The following CACNA1C variants were observed in gnomAD, a reference collection of about 807,000 sequenced individuals.
The protein encoded by CACNA1C is voltage-dependent L-type calcium channel subunit alpha-1C.
Under a neutral mutation model 229.0 loss-of-function variants are expected in CACNA1C, and 30 were observed. The ratio of observed to expected loss-of-function variants is 0.13; its 90% CI spans 0.10 to 0.18. The LOEUF is 0.18. CACNA1C is among the 10% of genes least tolerant of loss of function. The probability of loss-of-function intolerance (pLI) is 1.00; values close to 1 mark genes in which losing one functional copy is unlikely to be tolerated. For synonymous variants in CACNA1C, 1,114 were observed against 1,132.5 expected (o/e 0.98, Z 0.33); for missense variants, 1,658 against 2,845.0 (o/e 0.58, Z 9.49).
At chr12:2,672,841 T>C (rs1377215912) in intron 38 of CACNA1C, among the ~76,000 whole-genome samples, 2 of 152,224 alleles carry the variant, frequency 1.3e-5, no homozygotes, top group Non-Finnish European at 2.9e-5. Context: ...TTGAATACCA[T>C]GTGTGTTAGG....
At chr12:2,561,680 G>A (rs1418315455) in intron 11 of CACNA1C, among the ~76,000 whole-genome samples, 2 of 152,230 alleles carry the variant, frequency 1.3e-5, no homozygotes, top group Non-Finnish European at 2.9e-5. Flanking sequence ...AAGGCCCAGT[G>A]TAGGGAGAAG....
intron 1 of CACNA1C, 34 bp from the exon 2 acceptor site, chr12:2,115,190 A>G: frequency 6.9e-7 from 1 of 1,451,332 alleles, no homozygotes; most frequent in Non-Finnish European, 9.2e-7. Flanking sequence ...TTTTCTATCT[A>G]GTAACTGTTG....
At chr12:2,448,483 T>C (rs2099321202) in intron 3 of CACNA1C, among the ~76,000 whole-genome samples, 1 of 152,208 alleles carries the variant, frequency 6.6e-6, no homozygotes, top group Non-Finnish European at 1.5e-5. Context: ...GCATTTTTGC[T>C]CTGTCTTTTG....
At chr12:2,391,779 C>G (rs1332897364) in intron 3 of CACNA1C, among the ~76,000 whole-genome samples, 2 of 152,194 alleles carry the variant, frequency 1.3e-5, no homozygotes, top group African/African-American at 4.8e-5. Flanking sequence ...ACTCTGTTTG[C>G]CCTCTAGACC....
chr12:2,190,601 CAAG>C (rs965185824), intron 3 of CACNA1C, among the ~76,000 whole-genome samples: 1 of 152,138 alleles, frequency 6.6e-6, no homozygotes. Context: ...TTCCTTTCCT[CAAG>C]GAGGTCAATC....
chr12:2,648,386 T>C, intron 30 of CACNA1C, 89 bp from the exon 31 acceptor site: 5 of 1,214,372 alleles, frequency 4.1e-6, no homozygotes, highest in South Asian at 1.2e-5. Context: ...TCTGCCACTG[T>C]GTTGCTCCCG....
intron 1 of CACNA1C, among the ~76,000 whole-genome samples, chr12:2,006,307 C>T (rs991936122): frequency 6.6e-6 from 1 of 152,140 alleles, no homozygotes; most frequent in African/African-American, 2.4e-5. Flanking sequence ...ACTCGGGAGG[C>T]TGAGGCAGGA....
chr12:2,035,492 C>T (rs1372880730), intron 1 of CACNA1C, among the ~76,000 whole-genome samples: 1 of 152,254 alleles, frequency 6.6e-6, no homozygotes, highest in East Asian at 1.9e-4. Flanking sequence ...TTTCTTCCTC[C>T]TCCCTTCTTT....
intron 3 of CACNA1C, among the ~76,000 whole-genome samples, chr12:2,207,941 C>T (rs550543558): frequency 3.3e-5 from 5 of 152,110 alleles, no homozygotes; most frequent in African/African-American, 7.2e-5. Flanking sequence ...ATCTTCAAGG[C>T]GTGGATAGTG....
rs375789498 is a variant in CACNA1C, at chr12:2,648,524, C to T, written c.3945+17C>T. The T allele has an allele frequency of 3.4e-5, 55 of 1,613,044 alleles. No homozygotes were observed. The highest frequency in any genetic ancestry group is 4.6e-5 in the Non-Finnish European group (54 of 1,179,148). On this transcript the variant is annotated intron_variant, in intron 31 of 46. Coordinates refer to ENST00000399655, the MANE Select transcript of CACNA1C (RefSeq NM_000719.7). ...CCCTCTATGGTAAGACCAACCCTCC[C>T]GACCATGCTCCCGGCTTCCGTGTCC... is the stretch of plus-strand genomic sequence containing the variant.
rs570942052 is a variant in CACNA1C, at chr12:2,428,189, A to G, written c.478-20787A>G. Reference sequence around the variant, plus strand: ...CCCAATTTTTTTCACTGACATTTGAAGCCTTCCCTGAAGGGACCCCCAGCA... The same window carrying G: ...CCCAATTTTTTTCACTGACATTTGAGGCCTTCCCTGAAGGGACCCCCAGCA... On this transcript the variant is annotated intron_variant, in intron 3 of 46. Coordinates refer to ENST00000399655, the MANE Select transcript of CACNA1C (RefSeq NM_000719.7). Among the ~76,000 whole-genome samples the G allele has an allele frequency of 6.6e-5, 10 of 152,294 alleles. No individual in the cohort carries two copies. The South Asian group carries it at 1.7e-3, about 25-fold the overall frequency.
At chr12:2,042,776 G>T (rs1411298860) in intron 1 of CACNA1C, among the ~76,000 whole-genome samples, 1 of 152,194 alleles carries the variant, frequency 6.6e-6, no homozygotes, top group Non-Finnish European at 1.5e-5. Context: ...ACATATGAAA[G>T]TTGAGGGTCT....
Position 2,457,578 on chromosome 12 carries a change from C to T in CACNA1C, c.629C>T (p.Ala210Val). ...FIIVVVGLFS[A>V]ILEQATKADG... The stretch of plus-strand genomic sequence containing the variant: ...TTCCTCTCTTCTAGGCTTTTTAGTG[C>T]AATTTTAGAACAAGCAACCAAAGCA... The change falls in exon 5 of 47, where the codon GCA becomes GTA. Residue 210 changes from alanine (A) to valine (V), a missense_variant. Physicochemically the swap from Ala to Val is moderately conservative, Grantham distance 64. Transcript: ENST00000399655. 2 of 1,610,840 alleles carry T rather than the reference C, an allele frequency of 1.2e-6. No individual in the cohort carries two copies. The highest frequency in any genetic ancestry group is 1.7e-6 in the Non-Finnish European group (2 of 1,178,418).
intron 9 of CACNA1C, among the ~76,000 whole-genome samples, chr12:2,534,905 A>G (rs1440233070): frequency 6.6e-6 from 1 of 152,168 alleles, no homozygotes; most frequent in Admixed American, 6.5e-5. Flanking sequence ...AACATGACTT[A>G]CTGGCCCTTC....
intron 10 of CACNA1C, among the ~76,000 whole-genome samples, chr12:2,552,174 T>C (rs1238406286): frequency 6.6e-6 from 1 of 152,228 alleles, no homozygotes; most frequent in Non-Finnish European, 1.5e-5. Context: ...AGGACAGAGC[T>C]GTTTATCCAT....
At chr12:2,365,422 G>A (rs1446463898) in intron 3 of CACNA1C, among the ~76,000 whole-genome samples, 4 of 152,206 alleles carry the variant, frequency 2.6e-5, no homozygotes, top group Non-Finnish European at 1.5e-5. Flanking sequence ...CATCTATCAT[G>A]ATTTCTTTTG....
At chr12:2,249,854 G>A (rs553423713) in intron 3 of CACNA1C, among the ~76,000 whole-genome samples, 1 of 149,528 alleles carries the variant, frequency 6.7e-6, no homozygotes, top group African/African-American at 2.5e-5. Flanking sequence ...CATTGCAAGC[G>A]CCGCCTCCCA....
At chr12:2,368,418 C>T (rs1248718260) in intron 3 of CACNA1C, among the ~76,000 whole-genome samples, 1 of 152,032 alleles carries the variant, frequency 6.6e-6, no homozygotes, top group Non-Finnish European at 1.5e-5. Flanking sequence ...AATAAAAGGG[C>T]CCCAGAAACG....
intron 9 of CACNA1C, among the ~76,000 whole-genome samples, chr12:2,526,694 G>A (rs2099819031): frequency 6.6e-6 from 1 of 152,238 alleles, no homozygotes; most frequent in Non-Finnish European, 1.5e-5. Flanking sequence ...TCTAAACACA[G>A]CCCATGAATG....
Sources: allele counts gnomAD v4.1 joint callset (sites outside exome capture counted in the v4.1 genomes callset), GRCh38; gene constraint gnomAD v4.1.1; transcripts MANE v1.5; gene names NCBI Gene and HGNC (gene_info 2026-07-23, HGNC 2026-07-21).